ASTN2: variants seen among roughly 807,000 people sequenced by gnomAD.
The protein encoded by ASTN2 is astrotactin 2.
Under a neutral mutation model 139.8 loss-of-function variants are expected in ASTN2, and 54 were observed. The observed-to-expected ratio is 0.39, with a 90% CI of 0.31 to 0.48. The LOEUF (loss-of-function observed/expected upper bound fraction) is 0.48, where lower values mean the gene tolerates loss of function less well. Among genes scored for constraint, ASTN2 ranks in the 20% least tolerant of loss-of-function variants. ASTN2 has a pLI of 0.95. For synonymous variants in ASTN2, 756 were observed against 719.5 expected, an observed-to-expected ratio of 1.05 and a Z score of -0.81; for missense variants, 1,565 against 1,725.1, an observed-to-expected ratio of 0.91 and a Z score of 1.64.
intron 2 of ASTN2, among the ~76,000 whole-genome samples, chr9:117,241,388 G>T (rs117231806): frequency 1.4e-4 from 22 of 152,264 alleles, no homozygotes; most frequent in Middle Eastern, 3.4e-3. Context: ...TTCTGAAGTA[G>T]GAGGCCTAAA....
intron 13 of ASTN2, among the ~76,000 whole-genome samples, chr9:116,790,971 GA>G (rs368960341): frequency 2.5e-4 from 4 of 16,274 alleles, no homozygotes; most frequent in African/African-American, 6.3e-4. Context: ...AAGAAGGAAA[GA>G]AAGAAAGAAA....
chr9:117,374,403 G>C (rs906075443), intron 1 of ASTN2, among the ~76,000 whole-genome samples: 1 of 134,680 alleles, frequency 7.4e-6, no homozygotes, highest in South Asian at 2.3e-4. Flanking sequence ...AGCACAGATC[G>C]CAGCCCGCAA....
chr9:116,725,980 T>A, intron 15 of ASTN2, 30 bp from the exon 16 acceptor site: 11 of 1,587,922 alleles, frequency 6.9e-6, no homozygotes, highest in Non-Finnish European at 9.4e-6. Flanking sequence ...GTGGAGGTGG[T>A]CAGATGTGAG....
intron 1 of ASTN2, among the ~76,000 whole-genome samples, chr9:117,369,307 A>G (rs1056911626): frequency 6.6e-6 from 1 of 152,132 alleles, no homozygotes; most frequent in African/African-American, 2.4e-5. Flanking sequence ...GTGCTTTTCC[A>G]TCTATTTTTA....
At chr9:117,055,418 A>G (rs1444849314) in intron 5 of ASTN2, among the ~76,000 whole-genome samples, 2 of 152,210 alleles carry the variant, frequency 1.3e-5, no homozygotes, top group Non-Finnish European at 2.9e-5. Flanking sequence ...GGAATTTGAG[A>G]TCAACCTGAG....
At chr9:116,527,743 G>T (rs1175627123) in intron 19 of ASTN2, among the ~76,000 whole-genome samples, 1 of 152,040 alleles carries the variant, frequency 6.6e-6, no homozygotes, top group Non-Finnish European at 1.5e-5. Context: ...AGGTGATTGG[G>T]TCATATGGGT....
At chr9:116,501,158 A>G (rs1481472183) in intron 19 of ASTN2, among the ~76,000 whole-genome samples, 1 of 152,120 alleles carries the variant, frequency 6.6e-6, no homozygotes, top group Non-Finnish European at 1.5e-5. Flanking sequence ...TCCAAACCCA[A>G]GTCTGACCAG....
chr9:117,414,407 C>G lies in ASTN2; in HGVS notation c.442+90G>C. On this transcript the variant is annotated intron_variant, in intron 1 of 22. Transcript: ENST00000313400. The surrounding 1 kb of genome is among the most constrained non-coding windows in gnomAD (Gnocchi z 4.2). ...CAACCCCACTCGGGGCAGCCCCGGG[C>G]AGGGATCCCCAGGGCGCCCCCACCC... 1 of 1,556,208 alleles carries G rather than the reference C, an allele frequency of 6.4e-7. No individual in the cohort carries two copies. Among genetic ancestry groups the G allele is most frequent in the Non-Finnish European group, 8.7e-7 (1 of 1,151,390 alleles).
At chr9:117,127,286 C>A (rs79454118) in intron 4 of ASTN2, among the ~76,000 whole-genome samples, 1 of 152,182 alleles carries the variant, frequency 6.6e-6, no homozygotes, top group African/African-American at 2.4e-5. Context: ...AAGGTTGCTC[C>A]GCAACACTGC....
intron 17 of ASTN2, among the ~76,000 whole-genome samples, chr9:116,631,033 A>C (rs1856721141): frequency 1.3e-5 from 2 of 152,218 alleles, no homozygotes; most frequent in Admixed American, 1.3e-4. Context: ...TTGGACAGTT[A>C]TTACAAAAAA....
intron 20 of ASTN2, among the ~76,000 whole-genome samples, chr9:116,450,043 AGCT>A (rs1213937079): frequency 6.6e-6 from 1 of 152,216 alleles, no homozygotes; most frequent in Non-Finnish European, 1.5e-5. Context: ...GGTGATTTTA[AGCT>A]GCTAAGTTTT....
chr9:116,791,830 C>T (rs1221585994), intron 13 of ASTN2, among the ~76,000 whole-genome samples: 1 of 152,058 alleles, frequency 6.6e-6, no homozygotes, highest in South Asian at 2.1e-4. Flanking sequence ...AGAAAAAGAA[C>T]ACAGTCAGGG....
At chr9:117,340,219 C>A (rs372477372) in intron 1 of ASTN2, among the ~76,000 whole-genome samples, 7 of 150,326 alleles carry the variant, frequency 4.7e-5, no homozygotes, top group Non-Finnish European at 1.0e-4. Context: ...ATAATCCCAG[C>A]GACTCGGGAG....
intron 4 of ASTN2, among the ~76,000 whole-genome samples, chr9:117,114,548 GAATTA>G (rs1222871878): frequency 6.6e-6 from 1 of 152,070 alleles, no homozygotes; most frequent in African/African-American, 2.4e-5. Flanking sequence ...AAAAATTATT[GAATTA>G]GAGTCAGAAA....
chr9:117,319,469 C>T (rs1005954828), intron 1 of ASTN2, among the ~76,000 whole-genome samples: 8 of 152,104 alleles, frequency 5.3e-5, no homozygotes, highest in African/African-American at 1.7e-4. Flanking sequence ...CACTCTATTG[C>T]CCAGGCTGGA....
chr9:117,301,350 G>T (rs1834870715), intron 1 of ASTN2, among the ~76,000 whole-genome samples: 1 of 152,126 alleles, frequency 6.6e-6, no homozygotes, highest in African/African-American at 2.4e-5. Context: ...TGCAGAGAGT[G>T]GGTGACTAAA....
intron 19 of ASTN2, among the ~76,000 whole-genome samples, chr9:116,600,692 C>T (rs987779313): frequency 3.9e-5 from 6 of 152,168 alleles, no homozygotes; most frequent in Admixed American, 2.6e-4. Context: ...AAAACTTTTA[C>T]TCTTTACCAT....
chr9:116,604,940 T>A (rs1253895677), intron 19 of ASTN2, among the ~76,000 whole-genome samples: 2 of 151,948 alleles, frequency 1.3e-5, no homozygotes, highest in Non-Finnish European at 2.9e-5. Context: ...TTTACCTGGA[T>A]GTAAGTCTAA....
chr9:117,338,796 C>G (rs983032310), intron 1 of ASTN2, among the ~76,000 whole-genome samples: 1 of 151,482 alleles, frequency 6.6e-6, no homozygotes, highest in Non-Finnish European at 1.5e-5. Context: ...AATGCAATAA[C>G]TTTTGCACCA....
Sources: allele counts gnomAD v4.1 joint callset (sites outside exome capture counted in the v4.1 genomes callset), GRCh38; gene constraint gnomAD v4.1.1; non-coding constraint Gnocchi (gnomAD v3.1); transcripts MANE v1.5; gene names NCBI Gene and HGNC (gene_info 2026-07-23, HGNC 2026-07-21).